The following UBE4A variants were observed in gnomAD, a reference collection of about 807,000 sequenced individuals.
UBE4A encodes the protein ubiquitin conjugation factor E4 A.
UBE4A carries 48 observed loss-of-function variants against 117.9 expected under a neutral mutation model. The observed-to-expected ratio is 0.41, with a 90% CI of 0.32 to 0.52. UBE4A has a LOEUF of 0.52. Ranked by LOEUF, UBE4A falls within the 20% of genes least tolerant of loss-of-function variation. UBE4A has a pLI of 0.33. For synonymous variants in UBE4A, 407 were observed against 450.0 expected, an observed-to-expected ratio of 0.90 and a Z score of 1.21; for missense variants, 1,067 against 1,296.3, an observed-to-expected ratio of 0.82 and a Z score of 2.72.
At position 118,384,834 on chromosome 11, in the gene UBE4A, T is replaced by C; in HGVS notation, c.2301T>C (p.Asp767=). ...GTDTYRESIK[D]LADYASKNLE... ...TTCTTGTGGGCTGGGACTTACAGGA[T>C]TTGGCTGACTATGCCTCTAAGAATT... The change falls in exon 15 of 20, where the codon GAT becomes GAC. Residue 767 remains aspartate (D), a splice_region_variant and synonymous_variant. Transcript: ENST00000252108. 6.2e-7 allele frequency: 1 copy of C among 1,613,750 alleles called. No homozygotes were observed. The highest frequency in any genetic ancestry group is 8.5e-7 in the Non-Finnish European group (1 of 1,179,866).
chr11:118,374,570 T>C lies in UBE4A; in HGVS notation c.1117-326T>C, dbSNP rs1555125051. 1.3e-5 allele frequency among the ~76,000 whole-genome samples: 2 copies of C among 152,250 alleles called. 1 individual carries two copies. The highest frequency in any genetic ancestry group is 4.8e-5 in the African/African-American group (2 of 41,476). On this transcript the variant is annotated intron_variant, in intron 8 of 19. Transcript: ENST00000252108. ...ATGTATTGTTTCTGGTTTGAATTCA[T>C]ACTACAGTGATAGAGTTGAATAATT...
Position 118,375,172 on chromosome 11 carries a change from T to C in UBE4A, c.1393T>C (p.Cys465Arg). Residue 465 changes from cysteine (C) to arginine (R), a missense_variant, in exon 9 of 20, where the codon TGT (cysteine) becomes CGT (arginine). Physicochemically the swap from Cys to Arg is radical, Grantham distance 180. Coordinates refer to ENST00000252108, the MANE Select transcript of UBE4A (RefSeq NM_001204077.2). ...GCTCCTCACCTTTAATCCCACATAC[T>C]GTGCCCTCAAGGAGTTGAATGATGA... is the stretch of plus-strand genomic sequence containing the variant. ...SRLLTFNPTY[C>R]ALKELNDEER... 6.2e-7 allele frequency: 1 copy of C among 1,613,660 alleles called. No individual in the cohort carries two copies. Among genetic ancestry groups the C allele is most frequent in the South Asian group, 1.1e-5 (1 of 91,038 alleles).
intron 10 of UBE4A, 130 bp from the exon 11 acceptor site, chr11:118,379,316 G>T: frequency 9.9e-7 from 1 of 1,010,114 alleles, no homozygotes; most frequent in Non-Finnish European, 1.5e-6. Context: ...TTTTGTGAGT[G>T]CCTTCTGTGT....
chr11:118,373,192 A>G lies in UBE4A; in HGVS notation c.828A>G (p.Leu276=). 6.2e-7 allele frequency: 1 copy of G among 1,613,970 alleles called. No individual in the cohort carries two copies. Among genetic ancestry groups the G allele is most frequent in the Non-Finnish European group, 8.5e-7 (1 of 1,180,010 alleles). Residue 276 remains leucine, a synonymous_variant, in exon 7 of 20, where the codon TTA becomes TTG. Transcript: ENST00000252108. ...PEVMIPVFDI[L]LGRIKDLELC... The stretch of plus-strand genomic sequence containing the variant: ...TCATGATTCCAGTGTTTGATATTTT[A>G]TTGGGCCGAATAAAAGATCTAGAGC...
In UBE4A at chr11:118,369,492, A is replaced by C. The variant is rs192636367; in HGVS notation, c.365A>C (p.Glu122Ala). The C allele has an allele frequency of 2.5e-6, 4 of 1,614,206 alleles. No individual in the cohort carries two copies. In the African/African-American group the frequency reaches 5.3e-5, roughly 22 times the overall value. ...RCVYLEEMAV[E>A]LEDQDWLDMS... ...GTGTATTTGGAAGAAATGGCAGTAG[A>C]GCTAGAAGATCAAGACTGGCTTGAT... The change falls in exon 4 of 20, where the codon GAG becomes GCG. Residue 122 changes from glutamate (E) to alanine (A), a missense_variant. Physicochemically the swap from Glu to Ala is moderately radical, Grantham distance 107. Coordinates refer to ENST00000252108, the MANE Select transcript of UBE4A (RefSeq NM_001204077.2).
chr11:118,373,524 C>G lies in UBE4A; in HGVS notation c.955C>G (p.Pro319Ala), dbSNP rs142428336. The G allele has an allele frequency of 4.1e-4, 660 of 1,614,054 alleles. 1 individual carries two copies. In the African/African-American group the frequency reaches 6.9e-3, roughly 17 times the overall value. Residue 319 changes from proline (P) to alanine (A), a missense_variant, in exon 8 of 20, where the codon CCT (proline) becomes GCT (alanine). Pro to Ala is a conservative substitution (Grantham distance 27, BLOSUM62 -1). Coordinates refer to ENST00000252108, the MANE Select transcript of UBE4A (RefSeq NM_001204077.2). Reference protein sequence around the residue: ...VFVEYIQPKDPTNGQMYQKTL... With the variant: ...VFVEYIQPKDATNGQMYQKTL... The stretch of plus-strand genomic sequence containing the variant: ...TGTAGAATACATTCAGCCCAAGGAC[C>G]CTACCAATGGGCAAATGTACCAGAA...
In UBE4A at chr11:118,376,679, A is replaced by G; in HGVS notation, c.1556A>G (p.Tyr519Cys). ...ENLALTEYTL[Y>C]LGFHRLHDQM... ...CTTGCTCTGACAGAGTACACCTTGT[A>G]CTTGGGATTTCACAGGTAACTCCTC... The change falls in exon 10 of 20, where the codon TAC becomes TGC. Residue 519 changes from tyrosine to cysteine, a missense_variant. Transcript: ENST00000252108. 6.2e-7 allele frequency: 1 copy of G among 1,613,812 alleles called. No homozygotes were observed. Among genetic ancestry groups the G allele is most frequent in the Non-Finnish European group, 8.5e-7 (1 of 1,179,898 alleles).
intron 1 of UBE4A, among the ~76,000 whole-genome samples, chr11:118,360,121 C>A (rs575594600): frequency 2.0e-5 from 3 of 152,188 alleles, no homozygotes; most frequent in Non-Finnish European, 4.4e-5. Context: ...TCAATGCATA[C>A]GTCAGGGTGT....
At chr11:118,369,285 G>A (rs568176075) in intron 3 of UBE4A, 138 bp from the exon 4 acceptor site, 45 of 631,816 alleles carry the variant, frequency 7.1e-5, no homozygotes, top group African/African-American at 9.2e-5. Flanking sequence ...TGAATCTTTA[G>A]ATGTTGCTTT....
chr11:118,371,377 G>A (rs950796970), intron 4 of UBE4A, 137 bp from the exon 5 acceptor site: 3 of 1,048,006 alleles, frequency 2.9e-6, no homozygotes, highest in African/African-American at 1.6e-5. Flanking sequence ...AATATACAGG[G>A]CCCTTTTTTT....
chr11:118,373,607 A>G lies in UBE4A; in HGVS notation c.1038A>G (p.Val346=), dbSNP rs75516217. 1 of 1,614,222 alleles carries G rather than the reference A, an allele frequency of 6.2e-7. No homozygotes were observed. The highest frequency in any genetic ancestry group is 2.2e-5 in the East Asian group (1 of 44,888). ...GCTTATTAAAGACTCCGGGTGTTGTAGAAAATCATGGCTACTTTTTGAATC... is the reference window on the plus strand; with the variant it reads ...GCTTATTAAAGACTCCGGGTGTTGTGGAAAATCATGGCTACTTTTTGAATC... The part of the protein sequence containing the change: ...ISCLLKTPGV[V]ENHGYFLNPS... Residue 346 remains valine (V), a synonymous_variant, in exon 8 of 20, where the codon GTA becomes GTG. Coordinates refer to ENST00000252108, the MANE Select transcript of UBE4A (RefSeq NM_001204077.2).
At chr11:118,368,933 G>C in intron 3 of UBE4A, 129 bp downstream of exon 3, 1 of 944,976 alleles carries the variant, frequency 1.1e-6, no homozygotes, top group Admixed American at 2.5e-5. Context: ...GGAACTCAGG[G>C]TTTATATTTC....
intron 5 of UBE4A, 31 bp downstream of exon 5, chr11:118,371,697 T>G (rs982984856): frequency 5.1e-6 from 8 of 1,582,596 alleles, no homozygotes; most frequent in Non-Finnish European, 6.9e-6. Flanking sequence ...GAATACTGTA[T>G]TGTCCTCTTG....
At chr11:118,360,191 C>T (rs927786169) in intron 1 of UBE4A, among the ~76,000 whole-genome samples, 7 of 152,212 alleles carry the variant, frequency 4.6e-5, no homozygotes, top group Non-Finnish European at 1.0e-4. Flanking sequence ...CACTCTGCTT[C>T]ATGTTTCCTT....
Position 118,375,256 on chromosome 11 carries a change from C to CTGTGTGTGTG in UBE4A, c.1450+37_1450+46dup, listed in dbSNP as rs61368823. The CTGTGTGTGTG allele has an allele frequency of 2.9e-4, 426 of 1,475,998 alleles. 1 individual carries two copies. The highest frequency in any genetic ancestry group is 1.5e-3 in the East Asian group (60 of 40,672). 91.4% of individuals were successfully genotyped at this position (1,475,998 alleles called of 1,614,324 possible). ...TAGGAGAGAACCAGGCTTCTCAAAA[C>CTGTGTGTGTG]TGTGTGTGTGTGTGTGTGTAACGTG... On this transcript the variant is annotated intron_variant, in intron 9 of 19. Coordinates refer to ENST00000252108, the MANE Select transcript of UBE4A (RefSeq NM_001204077.2).
At chr11:118,363,988 CT>C (rs1442223961) in intron 1 of UBE4A, among the ~76,000 whole-genome samples, 3 of 152,076 alleles carry the variant, frequency 2.0e-5, no homozygotes, top group Non-Finnish European at 4.4e-5. Flanking sequence ...ACCAAATGTT[CT>C]TTTTTTCTTC....
chr11:118,386,709 T>A lies in UBE4A; in HGVS notation c.2587+97T>A, dbSNP rs1948762449. 3 of 1,315,176 alleles carry A rather than the reference T, an allele frequency of 2.3e-6. No homozygotes were observed. The Admixed American group carries it at 8.6e-5, about 38-fold the overall frequency. 81.5% of individuals were successfully genotyped at this position (1,315,176 alleles called of 1,614,324 possible). ...CAGCTGAAACTAAGAATTCAGACCC[T>A]GGTGACAGTATCCTCCACATCTGGA... On this transcript the variant is annotated intron_variant, in intron 16 of 19. Coordinates refer to ENST00000252108, the MANE Select transcript of UBE4A (RefSeq NM_001204077.2).
intron 12 of UBE4A, 99 bp from the exon 13 acceptor site, chr11:118,382,490 T>C (rs1948714024): frequency 9.5e-7 from 1 of 1,053,940 alleles, no homozygotes; most frequent in African/African-American, 1.8e-5. Flanking sequence ...TTTCCTGTAA[T>C]ATGGTTTAGG....
chr11:118,386,663 G>C, intron 16 of UBE4A, 51 bp downstream of exon 16: 1 of 1,471,680 alleles, frequency 6.8e-7, no homozygotes, highest in Non-Finnish European at 9.0e-7. Context: ...GCCAAGATCA[G>C]CTTCACTTGG....
Sources: allele counts gnomAD v4.1 joint callset (sites outside exome capture counted in the v4.1 genomes callset), GRCh38; gene constraint gnomAD v4.1.1; transcripts MANE v1.5; gene names NCBI Gene and HGNC (gene_info 2026-07-23, HGNC 2026-07-21).